FOXP2: variants seen among roughly 807,000 people sequenced by gnomAD.
The protein encoded by FOXP2 is forkhead box protein P2.
Under a neutral mutation model 115.8 loss-of-function variants are expected in FOXP2, and 12 were observed. The observed-to-expected ratio is 0.10, with a 90% CI of 0.07 to 0.17. The LOEUF (loss-of-function observed/expected upper bound fraction) is 0.17. Among genes scored for constraint, FOXP2 ranks in the 10% least tolerant of loss-of-function variants. FOXP2 has a pLI of 1.00. For missense variants in FOXP2, 629 were observed against 843.5 expected (o/e 0.75, Z 3.15); for synonymous variants, 328 against 297.7 (o/e 1.10, Z -1.05).
At chr7:114,326,299 A>T (rs1562871854) in intron 2 of FOXP2, among the ~76,000 whole-genome samples, 1 of 152,138 alleles carries the variant, frequency 6.6e-6, no homozygotes, top group East Asian at 1.9e-4. Context: ...TAGCTGGATT[A>T]TCTAAGGAGA....
chr7:114,361,523 T>C lies in FOXP2; in HGVS notation c.-10-64979T>C, dbSNP rs1252431809. Among the ~76,000 whole-genome samples the C allele has an allele frequency of 2.0e-5, 3 of 152,014 alleles. No homozygotes were observed. In the East Asian group the frequency reaches 5.8e-4, roughly 29 times the overall value. ...GTTCAGCCATAATGTCTTAGCTCTG[T>C]GCCTAAGAAAGCTTAAATTATAAAA... is the stretch of plus-strand genomic sequence containing the variant. On this transcript the variant is annotated intron_variant, in intron 2 of 17. Transcript: ENST00000634411.
At chr7:114,671,485 A>G (rs1807481671) in intron 16 of FOXP2, among the ~76,000 whole-genome samples, 1 of 152,198 alleles carries the variant, frequency 6.6e-6, no homozygotes, top group Non-Finnish European at 1.5e-5. Flanking sequence ...GAAAACTTTT[A>G]GCTGACAGTA....
At chr7:114,548,081 C>T (rs560461188) in intron 3 of FOXP2, among the ~76,000 whole-genome samples, 2 of 152,352 alleles carry the variant, frequency 1.3e-5, no homozygotes, top group Admixed American at 1.3e-4. Context: ...TAGCTTCCTG[C>T]TCTGCCCCTA....
intron 1 of FOXP2, among the ~76,000 whole-genome samples, chr7:114,211,653 C>A (rs1264819281): frequency 6.6e-6 from 1 of 152,128 alleles, no homozygotes; most frequent in East Asian, 1.9e-4. Flanking sequence ...AAAAGTTAAT[C>A]AGTGTTAGAA....
chr7:114,362,124 T>TA (rs1395221003), intron 2 of FOXP2, among the ~76,000 whole-genome samples: 2 of 151,892 alleles, frequency 1.3e-5, no homozygotes, highest in South Asian at 2.1e-4. Context: ...GAGACAAATG[T>TA]AAAAAATACA....
intron 3 of FOXP2, among the ~76,000 whole-genome samples, chr7:114,554,822 C>T (rs1800380150): frequency 6.6e-6 from 1 of 151,858 alleles, no homozygotes; most frequent in Non-Finnish European, 1.5e-5. Context: ...GTTAAAAATG[C>T]TTAAATTCTA....
chr7:114,291,912 TATATATTATAGATAATATATAGA>T (rs1462495997), intron 2 of FOXP2, among the ~76,000 whole-genome samples: 25 of 141,352 alleles, frequency 1.8e-4, no homozygotes, highest in African/African-American at 5.6e-4. Context: ...ATATATAGAA[TATATATTATAGATAATATATAGA>T]ATATATATTA....
chr7:114,439,136 A>C (rs1427678811), intron 2 of FOXP2, among the ~76,000 whole-genome samples: 1 of 152,166 alleles, frequency 6.6e-6, no homozygotes, highest in Non-Finnish European at 1.5e-5. Context: ...TCATATATTA[A>C]ATTTTTCTCA....
At chr7:114,374,290 TTTG>T (rs1792087592) in intron 2 of FOXP2, among the ~76,000 whole-genome samples, 1 of 152,214 alleles carries the variant, frequency 6.6e-6, no homozygotes, top group African/African-American at 2.4e-5. Context: ...TCTCCTGGAA[TTTG>T]TTGTGATTTT....
chr7:114,158,463 G>A (rs1210316177), upstream of FOXP2, among the ~76,000 whole-genome samples: 4 of 151,808 alleles, frequency 2.6e-5, no homozygotes, highest in South Asian at 2.1e-4. Context: ...GTCTGTCTGG[G>A]AAATTCCGAT....
At chr7:114,524,540 G>A (rs1798771814) in intron 2 of FOXP2, among the ~76,000 whole-genome samples, 1 of 151,988 alleles carries the variant, frequency 6.6e-6, no homozygotes, top group African/African-American at 2.4e-5. Context: ...GATCTCTTAT[G>A]CCACTCCAAG....
At chr7:114,393,271 A>C (rs1465521822) in intron 2 of FOXP2, among the ~76,000 whole-genome samples, 3 of 151,958 alleles carry the variant, frequency 2.0e-5, no homozygotes, top group Non-Finnish European at 2.9e-5. Flanking sequence ...CTCCCCTTCT[A>C]CCTTACATTT....
intron 3 of FOXP2, among the ~76,000 whole-genome samples, chr7:114,627,840 G>T (rs756273721): frequency 5.3e-5 from 8 of 151,958 alleles, no homozygotes; most frequent in Non-Finnish European, 8.8e-5. Context: ...ATAAGAAAAG[G>T]TTTAAAGAAG....
chr7:114,211,770 T>C (rs1794357279), intron 1 of FOXP2, among the ~76,000 whole-genome samples: 1 of 152,186 alleles, frequency 6.6e-6, no homozygotes, highest in Non-Finnish European at 1.5e-5. Flanking sequence ...CCATTTCTTC[T>C]TTAAAAATAT....
intron 1 of FOXP2, among the ~76,000 whole-genome samples, chr7:114,095,048 T>C (rs1799615258): frequency 6.6e-6 from 1 of 152,186 alleles, no homozygotes. Context: ...TAATAATGCA[T>C]ATAAGACTGA....
At chr7:114,117,190 A>G (rs2129143055) in intron 1 of FOXP2, among the ~76,000 whole-genome samples, 1 of 151,764 alleles carries the variant, frequency 6.6e-6, no homozygotes, top group South Asian at 2.1e-4. Flanking sequence ...ATGCTTTAGG[A>G]ATATTTAGAA....
chr7:114,345,561 T>C (rs1791326662), intron 2 of FOXP2, among the ~76,000 whole-genome samples: 1 of 151,832 alleles, frequency 6.6e-6, no homozygotes, highest in Admixed American at 6.6e-5. Flanking sequence ...TTTGTGTTCA[T>C]GTTCTGAATT....
rs750582959 is a variant in FOXP2 at position 114,644,701 on chromosome 7, A to T, written c.1006A>T (p.Thr336Ser). ...ARRDSSSHEETGASHTLYGHG... is the reference protein window; with the variant it reads ...ARRDSSSHEESGASHTLYGHG... ...TTGCTACAGCTCGTCACATGAGGAG[A>T]CTGGGGCCTCTCACACTCTCTATGG... Residue 336 changes from threonine (T) to serine (S), a missense_variant, in exon 8 of 17, where the codon ACT becomes TCT. This residue lies in a region of FOXP2 where 92 missense variants were observed against 80.1 expected (regional missense o/e 1.15). Coordinates refer to ENST00000350908, the MANE Select transcript of FOXP2 (RefSeq NM_014491.4). 3 of 1,613,720 alleles carry T rather than the reference A, an allele frequency of 1.9e-6. No homozygotes were observed. The highest frequency in any genetic ancestry group is 2.5e-6 in the Non-Finnish European group (3 of 1,179,790).
intron 2 of FOXP2, among the ~76,000 whole-genome samples, chr7:114,448,818 T>C (rs559849307): frequency 2.9e-4 from 44 of 152,300 alleles, no homozygotes; most frequent in African/African-American, 1.0e-3. Context: ...TTAAAAGTTT[T>C]ATTTTATAGT....
Sources: allele counts gnomAD v4.1 joint callset (sites outside exome capture counted in the v4.1 genomes callset), GRCh38; gene constraint gnomAD v4.1.1; regional missense constraint gnomAD v4.1.1; transcripts MANE v1.5; gene names NCBI Gene and HGNC (gene_info 2026-07-23, HGNC 2026-07-21).